The following NCOR2 variants were observed in gnomAD, a reference collection of about 807,000 sequenced individuals.
NCOR2 encodes CTG repeat protein 26.
In NCOR2, 81 loss-of-function variants were observed where a neutral mutation model predicts 262.9. The ratio of observed to expected loss-of-function variants is 0.31; its 90% CI spans 0.26 to 0.37. NCOR2 has a LOEUF of 0.37. Ranked by LOEUF, NCOR2 falls within the 10% of genes least tolerant of loss-of-function variation. NCOR2 has a pLI of 1.00. For missense variants in NCOR2, 3,385 were observed against 3,621.4 expected, an observed-to-expected ratio of 0.93 and a Z score of 1.68; for synonymous variants, 1,659 against 1,559.3, an observed-to-expected ratio of 1.06 and a Z score of -1.51.
intron 4 of NCOR2, among the ~76,000 whole-genome samples, chr12:124,472,494 C>T (rs1249095594): frequency 6.6e-6 from 1 of 152,112 alleles, no homozygotes; most frequent in East Asian, 1.9e-4. Flanking sequence ...GGGCTGTTTC[C>T]CCACATTACA....
chr12:124,485,104 G>C (rs1351440901), intron 2 of NCOR2, among the ~76,000 whole-genome samples: 1 of 152,236 alleles, frequency 6.6e-6, no homozygotes, highest in Non-Finnish European at 1.5e-5. Flanking sequence ...TTGGCAGGAA[G>C]CGCATGGTGT....
upstream of NCOR2, among the ~76,000 whole-genome samples, chr12:124,540,053 A>G (rs2137208637): frequency 6.6e-6 from 1 of 152,214 alleles, no homozygotes; most frequent in East Asian, 1.9e-4. Flanking sequence ...GTTACCTGCC[A>G]GGTACAGGGG....
chr12:124,396,990 G>A (rs540575002), intron 16 of NCOR2, among the ~76,000 whole-genome samples: 16 of 152,336 alleles, frequency 1.1e-4, no homozygotes, highest in East Asian at 1.9e-4. Flanking sequence ...GACCAAGCAC[G>A]GGACAGGGAC....
chr12:124,420,671 C>T (rs949640539), intron 12 of NCOR2, among the ~76,000 whole-genome samples: 1 of 152,346 alleles, frequency 6.6e-6, no homozygotes, highest in African/African-American at 2.4e-5. Context: ...CCATGAACCC[C>T]GGCCAAATGG....
chr12:124,417,968 T>G (rs2042997949), intron 13 of NCOR2, among the ~76,000 whole-genome samples: 1 of 149,938 alleles, frequency 6.7e-6, no homozygotes, highest in African/African-American at 2.5e-5. Context: ...GGCTGAGGCA[T>G]GAGAATCACT....
chr12:124,360,889 A>C (rs58231930), intron 22 of NCOR2, among the ~76,000 whole-genome samples: 166 of 152,200 alleles, frequency 1.1e-3, no homozygotes, highest in African/African-American at 3.8e-3. Flanking sequence ...TTGCTTCGTT[A>C]CGTGTTCCCT....
intron 1 of NCOR2, among the ~76,000 whole-genome samples, chr12:124,560,746 T>C (rs550946409): frequency 6.6e-6 from 1 of 152,126 alleles, no homozygotes; most frequent in African/African-American, 2.4e-5. Context: ...GAACAGAAAC[T>C]GGGAGGCCAG....
exon 1 of NCOR2, chr12:124,567,436 C>T (rs1212200423): frequency 2.0e-5 from 3 of 150,140 alleles, no homozygotes; most frequent in Non-Finnish European, 4.5e-5. Context: ...GGACGCGATC[C>T]TCCCGCCGCC....
At chr12:124,350,759 C>T (rs747287262) in intron 27 of NCOR2, 22 bp from the exon 30 acceptor site, 27 of 1,601,174 alleles carry the variant, frequency 1.7e-5, no homozygotes, top group South Asian at 1.1e-4. Flanking sequence ...GAGGGGTGAG[C>T]GCCCAGGAGG....
At position 124,483,753 on chromosome 12, in the gene NCOR2, C is replaced by T. The variant is rs781420966; in HGVS notation, c.254G>A (p.Arg85Gln). 20 of 1,606,760 alleles carry T rather than the reference C, an allele frequency of 1.2e-5. No homozygotes were observed. In the East Asian group the frequency reaches 2.7e-4, roughly 22 times the overall value. ...GGGCAGGTATGAGTGGGACTCTGGC[C>T]GCAGGTGGAGCTCCTGGGACCTGCA... The change falls in exon 3 of 47, where the codon CGG becomes CAG. Residue 85 changes from arginine to glutamine, a missense_variant. Physicochemically the swap from Arg to Gln is conservative, Grantham distance 43. Around this residue, in one of 5 missense-constraint regions of NCOR2, gnomAD observed 237 missense variants for 229.4 expected, o/e 1.03. Coordinates refer to ENST00000405201, the Ensembl canonical transcript of NCOR2. The surrounding 1 kb of genome is among the most constrained non-coding windows in gnomAD (Gnocchi z 6.3).
chr12:124,492,654 G>A (rs1315267710), intron 1 of NCOR2, among the ~76,000 whole-genome samples: 1 of 152,200 alleles, frequency 6.6e-6, no homozygotes, highest in Non-Finnish European at 1.5e-5. Flanking sequence ...TCTTTCTGTG[G>A]CTTGATGAGG....
chr12:124,325,392 C>CCCCCCCCCCGGGG, exon 47 of NCOR2: 1 of 1,152,268 alleles, frequency 8.7e-7, no homozygotes, highest in Non-Finnish European at 1.1e-6. Context: ...CCCCCCCGCC[C>CCCCCCCCCCGGGG]TGTTCTGAGT....
chr12:124,374,399 G>A lies in NCOR2; in HGVS notation c.2218+14C>T, dbSNP rs767868616. The A allele has an allele frequency of 1.1e-5, 17 of 1,612,030 alleles. No individual in the cohort carries two copies. Among genetic ancestry groups the A allele is most frequent in the African/African-American group, 5.3e-5 (4 of 74,908 alleles). ...CCCGGCCCTACCCCCCAGGCCAGCCGGCCACATTCGTACCTGGGCCACTGC... is the reference window on the plus strand; with the variant it reads ...CCCGGCCCTACCCCCCAGGCCAGCCAGCCACATTCGTACCTGGGCCACTGC... On this transcript the variant is annotated intron_variant, in intron 19 of 46. Transcript: ENST00000405201.
chr12:124,391,016 C>T (rs1476613675), intron 16 of NCOR2, among the ~76,000 whole-genome samples: 1 of 152,252 alleles, frequency 6.6e-6, no homozygotes, highest in Non-Finnish European at 1.5e-5. Flanking sequence ...GGGGCAGCGT[C>T]CCACATGCCA....
In NCOR2 at chr12:124,430,644, C is replaced by T. The variant is rs776174602; in HGVS notation, c.1026G>A (p.Lys342=). 2.5e-6 allele frequency: 4 copies of T among 1,613,842 alleles called. No individual in the cohort carries two copies. In the Admixed American group the frequency reaches 6.7e-5, roughly 27 times the overall value. ...GCATGCGCTCCTGCAGCTCGCGCTG[C>T]TTGCGGATCTCAGGGAACTGCTTCT... Residue 342 remains lysine (K), a synonymous_variant, in exon 9 of 47, where the codon AAG becomes AAA. Coordinates refer to ENST00000405201, the Ensembl canonical transcript of NCOR2.
chr12:124,419,946 T>C lies in NCOR2; in HGVS notation c.1482+11A>G, dbSNP rs1171359071. The stretch of plus-strand genomic sequence containing the variant: ...GCCTGCAAGGACAGTCACCCCCACC[T>C]TGCCTCTTACCTGGCTCTTGCCGCG... On this transcript the variant is annotated intron_variant, in intron 13 of 46. Transcript: ENST00000405201. 12 of 1,612,522 alleles carry C rather than the reference T, an allele frequency of 7.4e-6. No individual in the cohort carries two copies. The highest frequency in any genetic ancestry group is 9.3e-6 in the Non-Finnish European group (11 of 1,178,910).
At chr12:124,533,800 C>T (rs2050977392) in intron 1 of NCOR2, among the ~76,000 whole-genome samples, 1 of 152,200 alleles carries the variant, frequency 6.6e-6, no homozygotes. Context: ...CAAACCTAGA[C>T]CTCAGTGCCA....
intron 1 of NCOR2, among the ~76,000 whole-genome samples, chr12:124,555,570 G>A (rs777127054): frequency 3.7e-4 from 56 of 152,350 alleles, no homozygotes; most frequent in Non-Finnish European, 6.6e-4. Flanking sequence ...GCGGAAACGA[G>A]CACAAAGTGA....
chr12:124,357,900 G>A (rs1029754852), intron 22 of NCOR2, among the ~76,000 whole-genome samples: 3 of 100,384 alleles, frequency 3.0e-5, no homozygotes, highest in African/African-American at 1.8e-4. Context: ...GGTAACCTGT[G>A]ATATGTGTGT....
Sources: gnomAD v4.1 joint callset for allele counts (sites outside exome capture counted in the v4.1 genomes callset) on GRCh38, gnomAD v4.1.1 for gene constraint, gnomAD v4.1.1 regional missense constraint, Gnocchi (gnomAD v3.1) non-coding constraint, MANE v1.5 for transcripts, NCBI Gene and HGNC (gene_info 2026-07-23, HGNC 2026-07-21) for gene names.